SCAPER: variants seen among roughly 807,000 people sequenced by gnomAD.
SCAPER encodes S phase cyclin A-associated protein in the endoplasmic reticulum.
Under a neutral mutation model 182.2 loss-of-function variants are expected in SCAPER, and 98 were observed. The observed-to-expected ratio is 0.54, with a 90% confidence interval of 0.46 to 0.64. SCAPER has a LOEUF of 0.64. Ranked by LOEUF, SCAPER falls within the 30% of genes least tolerant of loss-of-function variation. The pLI is 0.00. For synonymous variants in SCAPER, 605 were observed against 564.6 expected (o/e 1.07, Z -1.01); for missense variants, 1,432 against 1,690.0 (o/e 0.85, Z 2.68).
chr15:76,559,297 C>G (rs1160169118), intron 23 of SCAPER, among the ~76,000 whole-genome samples: 1 of 149,576 alleles, frequency 6.7e-6, no homozygotes, highest in Non-Finnish European at 1.5e-5. Context: ...CTCAAGTGAT[C>G]CACCTGCCTT....
chr15:76,882,696 G>A (rs960910013), intron 2 of SCAPER, among the ~76,000 whole-genome samples: 1 of 151,984 alleles, frequency 6.6e-6, no homozygotes, highest in Non-Finnish European at 1.5e-5. Context: ...ACGGAGTCTC[G>A]CTCTATAGCC....
chr15:76,726,804 T>C (rs959610387), intron 17 of SCAPER, among the ~76,000 whole-genome samples: 3 of 151,906 alleles, frequency 2.0e-5, no homozygotes, highest in Admixed American at 6.6e-5. Flanking sequence ...AAACAGAAAG[T>C]AGCATGACGA....
At chr15:76,743,007 C>A (rs1442227580) in intron 15 of SCAPER, among the ~76,000 whole-genome samples, 1 of 152,022 alleles carries the variant, frequency 6.6e-6, no homozygotes, top group African/African-American at 2.4e-5. Context: ...AACTGCTTCA[C>A]AACATGCATA....
At position 76,562,540 on chromosome 15, in the gene SCAPER, A is replaced by T. The variant is rs141760839; in HGVS notation, c.2838+11618T>A. Among the ~76,000 whole-genome samples the T allele has an allele frequency of 3.7e-4, 57 of 152,320 alleles. No individual in the cohort carries two copies. The East Asian group carries it at 0.01, about 27-fold the overall frequency. ...AAAAGGTGCCTCAACCTATCTGCCAAAAAACAAATGTACATTAAAATCTTG... is the reference window on the plus strand; with the variant it reads ...AAAAGGTGCCTCAACCTATCTGCCATAAAACAAATGTACATTAAAATCTTG... On this transcript the variant is annotated intron_variant, in intron 23 of 31. Coordinates refer to ENST00000563290, the MANE Select transcript of SCAPER (RefSeq NM_020843.4).
At chr15:76,765,913 A>C (rs2063083578) in intron 11 of SCAPER, among the ~76,000 whole-genome samples, 1 of 152,206 alleles carries the variant, frequency 6.6e-6, no homozygotes, top group Non-Finnish European at 1.5e-5. Context: ...TACTACATAA[A>C]TGCTAACATA....
chr15:76,473,375 A>G (rs2050354824), intron 24 of SCAPER, among the ~76,000 whole-genome samples: 2 of 152,218 alleles, frequency 1.3e-5, no homozygotes, highest in South Asian at 2.1e-4. Context: ...TTTGGCTTGG[A>G]AAAAAATGAT....
intron 22 of SCAPER, among the ~76,000 whole-genome samples, chr15:76,574,904 C>T (rs1396201863): frequency 2.6e-5 from 4 of 152,146 alleles, no homozygotes; most frequent in Non-Finnish European, 5.9e-5. Flanking sequence ...AGCAACCCTC[C>T]TCTGCTTTCC....
chr15:76,461,550 G>T (rs1380865644), intron 25 of SCAPER, among the ~76,000 whole-genome samples: 2 of 151,644 alleles, frequency 1.3e-5, no homozygotes, highest in African/African-American at 4.8e-5. Flanking sequence ...TTTATTTCAG[G>T]TATTGTATTT....
Position 76,597,049 on chromosome 15 carries a change from T to C in SCAPER, c.2712-22765A>G, listed in dbSNP as rs2049564933. On this transcript the variant is annotated intron_variant, in intron 22 of 31. Coordinates refer to ENST00000563290, the MANE Select transcript of SCAPER (RefSeq NM_020843.4). ...TGTTTATAGATGACATGACTGTATA[T>C]TTAGAAAACCCCATCGTCTAAGCCC... Among the ~76,000 whole-genome samples the C allele has an allele frequency of 1.6e-5, 2 of 121,718 alleles. 1 individual carries two copies. The highest frequency in any genetic ancestry group is 4.0e-5 in the Non-Finnish European group (2 of 50,120). The allele number at this position is 121,718 out of a possible 152,430, so 79.9% of individuals were successfully genotyped here.
At chr15:76,678,924 G>A (rs993745343) in intron 20 of SCAPER, among the ~76,000 whole-genome samples, 4 of 152,106 alleles carry the variant, frequency 2.6e-5, no homozygotes, top group Non-Finnish European at 2.9e-5. Flanking sequence ...ATGATTCTCT[G>A]GGGGCCAGAG....
At position 76,827,314 on chromosome 15, in the gene SCAPER, G is replaced by A. The variant is rs115273588; in HGVS notation, c.393+14420C>T. Among the ~76,000 whole-genome samples the A allele has an allele frequency of 6.9e-3, 1,049 of 152,164 alleles. 15 individuals carry two copies. Among genetic ancestry groups the A allele is most frequent in the African/African-American group, 0.024 (976 of 41,508 alleles). On this transcript the variant is annotated intron_variant, in intron 5 of 31. Coordinates refer to ENST00000563290, the MANE Select transcript of SCAPER (RefSeq NM_020843.4). ...ACACTAATTCATTTTTTAAAAATAC[G>A]TCTCCACTTGGAATCCCATAGCCTG... is the stretch of plus-strand genomic sequence containing the variant.
intron 4 of SCAPER, among the ~76,000 whole-genome samples, chr15:76,852,150 T>C (rs1255243548): frequency 2.0e-5 from 3 of 152,082 alleles, no homozygotes; most frequent in African/African-American, 7.2e-5. Flanking sequence ...CTATACTAAA[T>C]ATATATGCAC....
At chr15:76,665,829 T>C (rs1352825079) in intron 20 of SCAPER, 40 bp from the exon 21 acceptor site, 1 of 1,422,404 alleles carries the variant, frequency 7.0e-7, no homozygotes, top group East Asian at 2.5e-5. Flanking sequence ...ATGAGGATGA[T>C]CATTTAAATA....
At chr15:76,407,150 A>G (rs1377702150) in intron 26 of SCAPER, among the ~76,000 whole-genome samples, 1 of 152,196 alleles carries the variant, frequency 6.6e-6, no homozygotes, top group Non-Finnish European at 1.5e-5. Context: ...CAACTTTGTC[A>G]TTGTGCAAAC....
chr15:76,457,689 A>G (rs887598456), intron 25 of SCAPER, among the ~76,000 whole-genome samples: 3 of 152,166 alleles, frequency 2.0e-5, no homozygotes, highest in Admixed American at 2.0e-4. Context: ...CCCATTCTCT[A>G]TATTATAATA....
At chr15:76,666,691 TTA>T (rs1391363265) in intron 20 of SCAPER, among the ~76,000 whole-genome samples, 5 of 152,212 alleles carry the variant, frequency 3.3e-5, no homozygotes, top group Non-Finnish European at 7.3e-5. Context: ...AAAAATTATT[TTA>T]GACTCTCTCC....
chr15:76,626,668 G>A (rs2052605005), intron 21 of SCAPER, among the ~76,000 whole-genome samples: 3 of 152,236 alleles, frequency 2.0e-5, no homozygotes. Flanking sequence ...AATAAGCCAA[G>A]ATTACACCAC....
chr15:76,500,498 T>C (rs157763), intron 24 of SCAPER, among the ~76,000 whole-genome samples: 33,292 of 152,026 alleles, frequency 0.22, 4,713 homozygotes, highest in African/African-American at 0.41. Context: ...AAGGGCTTGG[T>C]GATGTGGAGG....
intron 23 of SCAPER, among the ~76,000 whole-genome samples, chr15:76,534,630 C>G (rs906691929): frequency 6.6e-6 from 1 of 152,060 alleles, no homozygotes; most frequent in Non-Finnish European, 1.5e-5. Flanking sequence ...TGTAATGAAT[C>G]CCATTCTTTC....
Sources: allele counts gnomAD v4.1 joint callset (sites outside exome capture counted in the v4.1 genomes callset), GRCh38; gene constraint gnomAD v4.1.1; transcripts MANE v1.5; gene names NCBI Gene and HGNC (gene_info 2026-07-23, HGNC 2026-07-21).